Variants in SUGT1 observed in about 807,000 individuals in gnomAD.
The protein encoded by SUGT1 is protein SGT1 homolog.
In SUGT1, 15 loss-of-function variants were observed where a neutral mutation model predicts 56.1. That is an observed-to-expected ratio of 0.27 (90% CI 0.18 to 0.41). The LOEUF is 0.41. Among genes scored for constraint, SUGT1 ranks in the 10% least tolerant of loss-of-function variants. The pLI is 1.00. For missense variants in SUGT1, 347 were observed against 382.2 expected, an observed-to-expected ratio of 0.91 and a Z score of 0.77; for synonymous variants, 123 against 128.6, an observed-to-expected ratio of 0.96 and a Z score of 0.30.
At chr13:52,665,548 T>A (rs1421654265) in intron 8 of SUGT1, 89 bp from the exon 9 acceptor site, 9 of 885,836 alleles carry the variant, frequency 1.0e-5, no homozygotes, top group Non-Finnish European at 1.5e-5. Context: ...CAGGTGGGGC[T>A]CTTGTTGTTT....
rs1316737012 is a variant in SUGT1, at chr13:52,652,957, A to G, written c.37A>G (p.Arg13Gly). ...AAAAGTATSQ[R>G]FFQSFSDALI... is the part of the protein sequence containing the mutation. The stretch of plus-strand genomic sequence containing the variant: ...TGCAGCAGGAACTGCAACATCCCAG[A>G]GGTGCATGTTTTTCTTTCCCTTTGG... Residue 13 changes from arginine (R) to glycine (G), a missense_variant and splice_region_variant, in exon 1 of 13, where the codon AGG becomes GGG. Arg to Gly is a moderately radical substitution (Grantham distance 125, BLOSUM62 -2). Coordinates refer to ENST00000310528, the MANE Select transcript of SUGT1 (RefSeq NM_006704.5). 4 of 1,614,076 alleles carry G rather than the reference A, an allele frequency of 2.5e-6. No individual in the cohort carries two copies. The African/African-American group carries it at 5.3e-5, about 22-fold the overall frequency.
In SUGT1 at chr13:52,688,527, A is replaced by G. The variant is rs919780996; in HGVS notation, c.*692A>G. On this transcript the variant is annotated 3_prime_UTR_variant, in exon 13 of 13. Coordinates refer to ENST00000310528, the MANE Select transcript of SUGT1 (RefSeq NM_006704.5). ...AAGGTAGGGCAAAGAAGGTTCTAGGAAAGCCCAACTCCACTTGCTTCTTTT... is the reference window on the plus strand; with the variant it reads ...AAGGTAGGGCAAAGAAGGTTCTAGGGAAGCCCAACTCCACTTGCTTCTTTT... 3 of 152,218 alleles carry G rather than the reference A, an allele frequency of 2.0e-5. No homozygotes were observed. Among genetic ancestry groups the G allele is most frequent in the Non-Finnish European group, 4.4e-5 (3 of 68,036 alleles). The allele number at this position is 152,218 out of a possible 1,614,324, so 9.4% of individuals were successfully genotyped here. A position where few individuals can be genotyped will look rare whatever the true frequency, so the allele number is the denominator to read the frequency against.
At chr13:52,667,014 C>T in intron 10 of SUGT1, 95 bp downstream of exon 10, 1 of 798,442 alleles carries the variant, frequency 1.3e-6, no homozygotes, top group Admixed American at 2.7e-5. Context: ...CTTGTAGATT[C>T]TTTCAGCCCT....
At chr13:52,660,125 A>G (rs1397027931) in intron 5 of SUGT1, among the ~76,000 whole-genome samples, 1 of 151,960 alleles carries the variant, frequency 6.6e-6, no homozygotes, top group Non-Finnish European at 1.5e-5. Context: ...CACTGCACCC[A>G]GCCGAGAGCC....
chr13:52,674,446 AC>A (rs1417240909), intron 10 of SUGT1, among the ~76,000 whole-genome samples: 1 of 152,094 alleles, frequency 6.6e-6, no homozygotes, highest in African/African-American at 2.4e-5. Context: ...GAGACCAGAT[AC>A]CCCACATACA....
chr13:52,679,980 A>G lies in SUGT1; in HGVS notation c.725A>G (p.Lys242Arg), dbSNP rs1305760674. 8.8e-6 allele frequency: 14 copies of G among 1,586,480 alleles called. No individual in the cohort carries two copies. The highest frequency in any genetic ancestry group is 1.2e-5 in the Non-Finnish European group (14 of 1,172,744). The change falls in exon 12 of 13, where the codon AAG (lysine) becomes AGG (arginine). Residue 242 changes from lysine (K) to arginine (R), a missense_variant. By Grantham distance (26) the Lys-to-Arg change is conservative. Transcript: ENST00000310528. ...PTPKQFVADVKNLYPSSSPYT... is the reference protein window; with the variant it reads ...PTPKQFVADVRNLYPSSSPYT... ...GCCTTTTTTTACTTCATAGATGTAA[A>G]GAACCTATATCCATCATCATCTCCT...
chr13:52,667,228 A>C (rs1311461262), intron 10 of SUGT1, among the ~76,000 whole-genome samples: 1 of 152,214 alleles, frequency 6.6e-6, no homozygotes, highest in East Asian at 1.9e-4. Context: ...TGATACTGAC[A>C]ATGTCTCTTC....
chr13:52,671,182 CTT>C (rs1196972206), intron 10 of SUGT1, among the ~76,000 whole-genome samples: 1 of 151,226 alleles, frequency 6.6e-6, no homozygotes, highest in Non-Finnish European at 1.5e-5. Flanking sequence ...TTTTCTTTTG[CTT>C]TTTTAGTACA....
intron 7 of SUGT1, 100 bp from the exon 8 acceptor site, chr13:52,663,935 T>C (rs1962570214): frequency 1.8e-6 from 2 of 1,113,616 alleles, no homozygotes; most frequent in Admixed American, 2.1e-5. Flanking sequence ...AACTGCAGTG[T>C]TGGGTAAATT....
intron 12 of SUGT1, among the ~76,000 whole-genome samples, chr13:52,681,320 A>G (rs1594253739): frequency 6.7e-6 from 1 of 150,024 alleles, no homozygotes; most frequent in Non-Finnish European, 1.5e-5. Flanking sequence ...TGGGAAGGTG[A>G]GGTGGGAGGA....
At chr13:52,666,694 A>C in intron 9 of SUGT1, 118 bp from the exon 10 acceptor site, 1 of 713,810 alleles carries the variant, frequency 1.4e-6, no homozygotes, top group Non-Finnish European at 2.3e-6. Context: ...CTAAAATTCC[A>C]TATATAATGT....
intron 10 of SUGT1, among the ~76,000 whole-genome samples, chr13:52,671,745 CATTTT>C (rs987487924): frequency 3.9e-5 from 6 of 152,168 alleles, no homozygotes; most frequent in Admixed American, 2.6e-4. Flanking sequence ...CTACTGTTCT[CATTTT>C]ATAGGAGAAA....
rs1963995550 is a variant in SUGT1 at position 52,698,445 on chromosome 13, A to AT, written c.*10610_*10611insT. On this transcript the variant is annotated 3_prime_UTR_variant, in exon 13 of 13. Coordinates refer to ENST00000310528, the MANE Select transcript of SUGT1 (RefSeq NM_006704.5). ...CTCTCTCTTAAAACTTATTTATCCT[A>AT]ATCTTTTTTTTTTTTTTTTTTTTAA... 1 of 57,854 alleles carries AT rather than the reference A, an allele frequency of 1.7e-5. No homozygotes were observed. The highest frequency in any genetic ancestry group is 3.5e-5 in the Non-Finnish European group (1 of 28,984). 3.6% of individuals were successfully genotyped at this position (57,854 alleles called of 1,614,324 possible).
chr13:52,670,669 G>A (rs1450313890), intron 10 of SUGT1, among the ~76,000 whole-genome samples: 2 of 152,200 alleles, frequency 1.3e-5, no homozygotes, highest in Non-Finnish European at 1.5e-5. Flanking sequence ...TGAACTGGAC[G>A]TGGTGACGGG....
At chr13:52,672,509 T>C (rs960900620) in intron 10 of SUGT1, among the ~76,000 whole-genome samples, 4 of 152,326 alleles carry the variant, frequency 2.6e-5, no homozygotes, top group African/African-American at 9.6e-5. Context: ...AAGGTAGATG[T>C]ATTAGTCTGG....
intron 8 of SUGT1, among the ~76,000 whole-genome samples, chr13:52,664,813 A>G (rs1962620447): frequency 6.6e-6 from 1 of 152,222 alleles, no homozygotes; most frequent in Admixed American, 6.5e-5. Flanking sequence ...TAACCATGAA[A>G]TAATAATTAA....
intron 12 of SUGT1, among the ~76,000 whole-genome samples, chr13:52,683,725 T>C (rs1374390150): frequency 6.6e-6 from 1 of 152,206 alleles, no homozygotes; most frequent in Non-Finnish European, 1.5e-5. Context: ...GAGATTTCTT[T>C]ATTAGGAGAT....
intron 2 of SUGT1, 101 bp downstream of exon 2, chr13:52,653,204 C>T (rs1177643850): frequency 9.8e-6 from 14 of 1,424,274 alleles, no homozygotes; most frequent in Non-Finnish European, 1.4e-5. Flanking sequence ...GGACAGGGAC[C>T]CAGGCTCTTG....
intron 10 of SUGT1, among the ~76,000 whole-genome samples, chr13:52,674,792 T>C (rs962846874): frequency 6.6e-6 from 1 of 152,216 alleles, no homozygotes; most frequent in Admixed American, 6.5e-5. Flanking sequence ...GTGCTTACTT[T>C]AATATTTGCA....
Sources: allele counts gnomAD v4.1 joint callset (sites outside exome capture counted in the v4.1 genomes callset), GRCh38; gene constraint gnomAD v4.1.1; transcripts MANE v1.5; gene names NCBI Gene and HGNC (gene_info 2026-07-23, HGNC 2026-07-21).